Variants in RORA observed in about 807,000 individuals in gnomAD.
The protein encoded by RORA is nuclear receptor ROR-alpha.
A neutral mutation model predicts 69.5 loss-of-function variants in RORA; 7 were observed. The ratio of observed to expected loss-of-function variants is 0.10; its 90% CI spans 0.06 to 0.19. The LOEUF is 0.19. RORA is among the 10% of genes least tolerant of loss of function. The pLI is 1.00. For synonymous variants in RORA, 261 were observed against 240.8 expected, an observed-to-expected ratio of 1.08 and a Z score of -0.78; for missense variants, 457 against 663.0, an observed-to-expected ratio of 0.69 and a Z score of 3.41.
chr15:60,605,527 T>C (rs188715916), intron 2 of RORA, among the ~76,000 whole-genome samples: 1 of 152,278 alleles, frequency 6.6e-6, no homozygotes, highest in Admixed American at 6.5e-5. Flanking sequence ...ACGTAAACAA[T>C]GCATAAGGTT....
At chr15:61,074,946 G>A (rs781164567) in intron 1 of RORA, among the ~76,000 whole-genome samples, 13 of 151,988 alleles carry the variant, frequency 8.6e-5, no homozygotes, top group Non-Finnish European at 1.8e-4. Context: ...AATTAGCCAG[G>A]TGTGGTGGTG....
intron 3 of RORA, chr15:60,520,093 C>G (rs1008736191): frequency 6.6e-6 from 1 of 152,140 alleles, no homozygotes; most frequent in Non-Finnish European, 1.5e-5. Context: ...ACCTTATTCT[C>G]TACAGCATCA....
At chr15:60,573,116 G>A (rs531112868) in intron 2 of RORA, among the ~76,000 whole-genome samples, 3 of 152,298 alleles carry the variant, frequency 2.0e-5, no homozygotes, top group Admixed American at 2.0e-4. Context: ...GGGCTACAGG[G>A]TTTCTAGTAT....
intron 1 of RORA, among the ~76,000 whole-genome samples, chr15:61,198,423 A>G (rs975079487): frequency 2.0e-5 from 3 of 152,104 alleles, no homozygotes; most frequent in African/African-American, 7.2e-5. Context: ...CATTTGCTAA[A>G]CATTCTCATC....
intron 1 of RORA, among the ~76,000 whole-genome samples, chr15:61,006,503 G>C (rs1407420436): frequency 1.3e-5 from 2 of 152,176 alleles, no homozygotes; most frequent in Non-Finnish European, 2.9e-5. Flanking sequence ...ACTGGGAAAA[G>C]TCTGCCCATG....
intron 1 of RORA, among the ~76,000 whole-genome samples, chr15:61,080,354 T>C (rs2078521266): frequency 6.6e-6 from 1 of 152,160 alleles, no homozygotes; most frequent in South Asian, 2.1e-4. Context: ...AGAGTTCCTA[T>C]TTTCTTGCCT....
chr15:60,837,786 T>C (rs1312418325), intron 1 of RORA, among the ~76,000 whole-genome samples: 1 of 152,120 alleles, frequency 6.6e-6, no homozygotes, highest in Non-Finnish European at 1.5e-5. Context: ...TGATTGTTTC[T>C]TCTCAGGTTG....
chr15:60,620,952 G>C (rs1055136537), intron 2 of RORA, among the ~76,000 whole-genome samples: 48 of 152,330 alleles, frequency 3.2e-4, no homozygotes, highest in African/African-American at 1.2e-3. Flanking sequence ...TGCAATCCCG[G>C]GCTGCGTTTC....
intron 1 of RORA, among the ~76,000 whole-genome samples, chr15:60,693,183 G>A (rs978107688): frequency 1.3e-5 from 2 of 152,118 alleles, no homozygotes; most frequent in Admixed American, 6.5e-5. Flanking sequence ...CACATAAACA[G>A]AACTAAAGAC....
At chr15:60,513,420 T>C (rs2065768015) in intron 4 of RORA, among the ~76,000 whole-genome samples, 1 of 152,248 alleles carries the variant, frequency 6.6e-6, no homozygotes, top group Admixed American at 6.5e-5. Context: ...AACTTTCTGC[T>C]GTGACTCCGC....
intron 1 of RORA, among the ~76,000 whole-genome samples, chr15:60,941,742 T>G (rs1403266266): frequency 6.6e-6 from 1 of 152,244 alleles, no homozygotes; most frequent in African/African-American, 2.4e-5. Context: ...ATTCCACATG[T>G]TAGCATTAGC....
rs2073664334 is a variant in RORA, at chr15:60,880,301, AT to A, written c.167-201616del. Among the ~76,000 whole-genome samples, 4 of 152,298 alleles carry A rather than the reference AT, an allele frequency of 2.6e-5. No homozygotes were observed. The East Asian group carries it at 7.7e-4, about 29-fold the overall frequency. ...TACTTTTGGTCCTAATTTCTCAACA[AT>A]GATTTCTATTAGGTCAACCCTACTG... On this transcript the variant is annotated intron_variant, in intron 1 of 10. Coordinates refer to ENST00000335670, the MANE Select transcript of RORA (RefSeq NM_134261.3).
In RORA at chr15:60,502,806, C is replaced by T; in HGVS notation, c.1137G>A (p.Val379=). The T allele has an allele frequency of 1.2e-6, 2 of 1,614,104 alleles. No individual in the cohort carries two copies. The highest frequency in any genetic ancestry group is 2.2e-5 in the East Asian group (1 of 44,884). ...CRAFDSQNNT[V]YFDGKYASPD... ...GGCTGGCATACTTCCCATCAAAGTA[C>T]ACGGTGTTGTTCTGAGAGTCAAAGG... The change falls in exon 8 of 11, where the codon GTG becomes GTA. Residue 379 remains valine (V), a synonymous_variant. Transcript: ENST00000335670.
chr15:60,729,394 G>T (rs1465220683), intron 1 of RORA, among the ~76,000 whole-genome samples: 1 of 152,158 alleles, frequency 6.6e-6, no homozygotes, highest in Non-Finnish European at 1.5e-5. Flanking sequence ...CTCCACCTTA[G>T]GAGAAGTGGG....
intron 10 of RORA, 63 bp from the exon 11 acceptor site, chr15:60,497,682 A>T: frequency 1.5e-6 from 2 of 1,302,892 alleles, no homozygotes; most frequent in Non-Finnish European, 2.2e-6. Context: ...AAGATCAGGG[A>T]ACCTGAATGA....
chr15:60,638,944 A>G (rs111451578), intron 2 of RORA, among the ~76,000 whole-genome samples: 1 of 151,816 alleles, frequency 6.6e-6, no homozygotes, highest in Non-Finnish European at 1.5e-5. Flanking sequence ...TATGCTTTTC[A>G]TTAGTAGATA....
rs984538317 is a variant in RORA, at chr15:60,490,660, A to T, written c.*6795T>A. Reference sequence around the variant, plus strand: ...AACAAGAGATTGCATTTACATGCAGATGTCTAAAATTTGTATTTTTTAAGT... The same window carrying T: ...AACAAGAGATTGCATTTACATGCAGTTGTCTAAAATTTGTATTTTTTAAGT... On this transcript the variant is annotated 3_prime_UTR_variant, in exon 11 of 11. Transcript: ENST00000335670. The surrounding 1 kb of genome is among the most constrained non-coding windows in gnomAD (Gnocchi z 4.1). The T allele has an allele frequency of 1.2e-4, 18 of 152,310 alleles. No individual in the cohort carries two copies. Among genetic ancestry groups the T allele is most frequent in the Admixed American group, 9.8e-4 (15 of 15,300 alleles). The allele number at this position is 152,310 out of a possible 1,614,324, so 9.4% of individuals were successfully genotyped here.
intron 1 of RORA, among the ~76,000 whole-genome samples, chr15:60,915,837 C>T (rs1190659306): frequency 6.6e-6 from 1 of 152,144 alleles, no homozygotes; most frequent in Non-Finnish European, 1.5e-5. Context: ...CTTCAAGTCT[C>T]AGTTTCTTCT....
At chr15:60,526,916 A>G (rs1595914830) in intron 3 of RORA, among the ~76,000 whole-genome samples, 1 of 152,232 alleles carries the variant, frequency 6.6e-6, no homozygotes, top group Admixed American at 6.5e-5. Flanking sequence ...TCAGTGGGGG[A>G]AGGTGTCACT....
Sources: allele counts gnomAD v4.1 joint callset (sites outside exome capture counted in the v4.1 genomes callset), GRCh38; gene constraint gnomAD v4.1.1; non-coding constraint Gnocchi (gnomAD v3.1); transcripts MANE v1.5; gene names NCBI Gene and HGNC (gene_info 2026-07-23, HGNC 2026-07-21).